Variants in NUP93 observed in about 807,000 individuals in gnomAD.
NUP93 encodes the protein nucleoporin 93.
NUP93 carries 55 observed loss-of-function variants against 107.8 expected under a neutral mutation model. The observed-to-expected ratio is 0.51, with a 90% CI of 0.41 to 0.64. The LOEUF (loss-of-function observed/expected upper bound fraction) is 0.64, where lower values mean the gene tolerates loss of function less well. Among genes scored for constraint, NUP93 ranks in the 30% least tolerant of loss-of-function variants. The pLI is 0.00. For synonymous variants in NUP93, 390 were observed against 397.5 expected (o/e 0.98, Z 0.22); for missense variants, 937 against 1,044.7 (o/e 0.90, Z 1.42).
chr16:56,744,734 G>A (rs77411439), intron 1 of NUP93, among the ~76,000 whole-genome samples: 6,543 of 152,226 alleles, frequency 0.043, 207 homozygotes, highest in African/African-American at 0.079. Flanking sequence ...TATTTAGAGG[G>A]AAAGCACTAG....
chr16:56,804,729 T>G (rs1963096202), intron 4 of NUP93, among the ~76,000 whole-genome samples: 1 of 151,954 alleles, frequency 6.6e-6, no homozygotes, highest in Non-Finnish European at 1.5e-5. Flanking sequence ...GCCAACATGG[T>G]GAAACCCCGT....
intron 4 of NUP93, 157 bp from the exon 5 acceptor site, chr16:56,805,347 C>T (rs1963112916): frequency 4.0e-6 from 3 of 755,448 alleles, no homozygotes; most frequent in Non-Finnish European, 6.2e-6. Flanking sequence ...CACGCTCAGC[C>T]AGTAAATTCT....
At chr16:56,731,650 C>T (rs12599548) in intron 1 of NUP93, among the ~76,000 whole-genome samples, 15,231 of 152,162 alleles carry the variant, frequency 0.1, 948 homozygotes, top group Middle Eastern at 0.24. Context: ...TCAAGTGATC[C>T]GCCCATTTCG....
At position 56,846,063 on chromosome 16, in the gene NUP93, C is replaced by T. The variant is rs1964112630; in HGVS notation, c.*1454C>T. 1 of 152,114 alleles carries T rather than the reference C, an allele frequency of 6.6e-6. No homozygotes were observed. Among genetic ancestry groups the T allele is most frequent in the African/African-American group, 2.4e-5 (1 of 41,386 alleles). The allele number at this position is 152,114 out of a possible 1,614,324, so 9.4% of individuals were successfully genotyped here. A position where few individuals can be genotyped will look rare whatever the true frequency, so the allele number is the denominator to read the frequency against. On this transcript the variant is annotated 3_prime_UTR_variant, in exon 22 of 22. Coordinates refer to ENST00000308159, the MANE Select transcript of NUP93 (RefSeq NM_014669.5). ...AGGCCTTGATTTAGCAAGTTGTGCC[C>T]TGCTTATATGTGCTGATTTAAGCTA...
chr16:56,823,871 G>A (rs1963602920), intron 8 of NUP93, 25 bp downstream of exon 8: 1 of 1,607,628 alleles, frequency 6.2e-7, no homozygotes, highest in Non-Finnish European at 8.5e-7. Flanking sequence ...GCACAGTGGG[G>A]CTGGCTTTCA....
intron 5 of NUP93, among the ~76,000 whole-genome samples, chr16:56,811,562 G>C (rs1404514701): frequency 1.3e-5 from 2 of 152,012 alleles, no homozygotes; most frequent in Admixed American, 1.3e-4. Context: ...CCAGGCTGGA[G>C]TGGAATGGCG....
intron 2 of NUP93, among the ~76,000 whole-genome samples, chr16:56,752,268 A>G (rs908693520): frequency 6.6e-6 from 1 of 152,178 alleles, no homozygotes; most frequent in South Asian, 2.1e-4. Flanking sequence ...AAAAACACAC[A>G]CAAGAAAACC....
intron 2 of NUP93, among the ~76,000 whole-genome samples, chr16:56,754,476 T>C (rs1158903989): frequency 6.6e-6 from 1 of 152,226 alleles, no homozygotes. Context: ...CCTATGAGCC[T>C]GTAAGACCAA....
chr16:56,827,098 G>A (rs28454047), intron 8 of NUP93, among the ~76,000 whole-genome samples: 1 of 136,794 alleles, frequency 7.3e-6, no homozygotes, highest in South Asian at 2.4e-4. Context: ...CTGTTATTAA[G>A]ATTTAGGTTG....
At chr16:56,773,336 T>C (rs1209152583) in intron 3 of NUP93, among the ~76,000 whole-genome samples, 9 of 152,248 alleles carry the variant, frequency 5.9e-5, no homozygotes, top group Non-Finnish European at 1.2e-4. Context: ...ACTTTCTTTT[T>C]TGAGGATGGG....
chr16:56,805,418 G>A (rs1384931831), intron 4 of NUP93, 86 bp from the exon 5 acceptor site: 1 of 1,489,384 alleles, frequency 6.7e-7, no homozygotes, highest in African/African-American at 1.4e-5. Flanking sequence ...GGTTGGTCTG[G>A]AGGGCTTTAG....
intron 16 of NUP93, among the ~76,000 whole-genome samples, chr16:56,835,465 A>T (rs957105161): frequency 4.6e-5 from 7 of 152,276 alleles, no homozygotes; most frequent in African/African-American, 1.7e-4. Context: ...GACAGTGCTG[A>T]TGACAGTGGC....
chr16:56,748,988 G>C (rs759174713), intron 2 of NUP93, among the ~76,000 whole-genome samples: 6 of 152,182 alleles, frequency 3.9e-5, no homozygotes, highest in African/African-American at 7.2e-5. Context: ...GAACAGGAGA[G>C]TGGGTGAGCC....
Position 56,808,527 on chromosome 16 carries a change from A to T in NUP93, c.489+2895A>T, listed in dbSNP as rs566458925. ...ATATATAGTTATGTAACTATATATA[A>T]ATATAGTTATATAACTATAAATATA... On this transcript the variant is annotated intron_variant, in intron 5 of 21. Coordinates refer to ENST00000308159, the MANE Select transcript of NUP93 (RefSeq NM_014669.5). Among the ~76,000 whole-genome samples, 681 of 115,220 alleles carry T rather than the reference A, an allele frequency of 5.9e-3. 36 individuals carry two copies. The highest frequency in any genetic ancestry group is 0.035 in the Admixed American group (362 of 10,378). The allele number at this position is 115,220 out of a possible 152,430, so 75.6% of individuals were successfully genotyped here. A position where few individuals can be genotyped will look rare whatever the true frequency, so the allele number is the denominator to read the frequency against.
chr16:56,739,678 C>T (rs113197063), intron 1 of NUP93, among the ~76,000 whole-genome samples: 1 of 134,300 alleles, frequency 7.4e-6, no homozygotes, highest in African/African-American at 2.9e-5. Flanking sequence ...GAGGGCTGAC[C>T]CCCCCACCTC....
At chr16:56,794,085 G>GCTA (rs1962831295) in intron 3 of NUP93, among the ~76,000 whole-genome samples, 1 of 130,806 alleles carries the variant, frequency 7.6e-6, no homozygotes, top group Admixed American at 8.3e-5. Flanking sequence ...TAGGTAGGTA[G>GCTA]GTAGGTAGAT....
intron 2 of NUP93, among the ~76,000 whole-genome samples, chr16:56,757,498 G>A (rs549780978): frequency 2.0e-5 from 3 of 151,982 alleles, no homozygotes; most frequent in South Asian, 2.1e-4. Flanking sequence ...GACCTGACCC[G>A]ACCCCACCCC....
At chr16:56,775,321 T>C (rs532188651) in intron 3 of NUP93, among the ~76,000 whole-genome samples, 3 of 152,348 alleles carry the variant, frequency 2.0e-5, no homozygotes, top group African/African-American at 4.8e-5. Flanking sequence ...TCTGGAGTTA[T>C]GTAGACATTT....
At chr16:56,827,714 A>T (rs1963697401) in intron 8 of NUP93, among the ~76,000 whole-genome samples, 1 of 152,182 alleles carries the variant, frequency 6.6e-6, no homozygotes, top group African/African-American at 2.4e-5. Context: ...CTATAAATAA[A>T]AGGTTAGTGT....
Sources: gnomAD v4.1 joint callset for allele counts (sites outside exome capture counted in the v4.1 genomes callset) on GRCh38, gnomAD v4.1.1 for gene constraint, MANE v1.5 for transcripts, NCBI Gene and HGNC (gene_info 2026-07-23, HGNC 2026-07-21) for gene names.